Variants in STX7 observed in about 807,000 individuals in gnomAD.
STX7 encodes the protein syntaxin 7.
Under a neutral mutation model 39.6 loss-of-function variants are expected in STX7, and 34 were observed. The observed-to-expected ratio is 0.86, with a 90% CI of 0.65 to 1.14. The LOEUF (loss-of-function observed/expected upper bound fraction) is 1.14. Among genes scored for constraint, STX7 ranks in the 50% most tolerant of loss-of-function variants. The pLI is 0.00. For synonymous variants in STX7, 119 were observed against 99.1 expected, an observed-to-expected ratio of 1.20 and a Z score of -1.19; for missense variants, 284 against 310.4, an observed-to-expected ratio of 0.92 and a Z score of 0.64.
chr6:132,476,558 A>G (rs1427318318), intron 2 of STX7, among the ~76,000 whole-genome samples: 2 of 152,178 alleles, frequency 1.3e-5, no homozygotes, highest in East Asian at 3.8e-4. Context: ...GAAAAAAGCA[A>G]GCACTATAAA....
chr6:132,470,389 T>C lies in STX7; in HGVS notation c.440+185A>G, dbSNP rs566507404. ...AAACATTTATTTGGAAAACTTTATA[T>C]ATTTTGTAATAAATACTTTATAATT... On this transcript the variant is annotated intron_variant, in intron 6 of 9. Transcript: ENST00000367941. Among the ~76,000 whole-genome samples the C allele has an allele frequency of 6.9e-4, 105 of 152,234 alleles. 1 individual carries two copies. Among genetic ancestry groups the C allele is most frequent in the African/African-American group, 2.5e-3 (104 of 41,578 alleles).
chr6:132,480,341 C>G (rs1434910904), intron 2 of STX7, among the ~76,000 whole-genome samples: 1 of 152,128 alleles, frequency 6.6e-6, no homozygotes, highest in African/African-American at 2.4e-5. Flanking sequence ...TCCTTATGGT[C>G]TCAAAGAACC....
chr6:132,470,406 T>C lies in STX7; in HGVS notation c.440+168A>G, dbSNP rs116790723. Among the ~76,000 whole-genome samples the C allele has an allele frequency of 0.029, 4,373 of 152,184 alleles. 196 individuals are homozygous for C. Among genetic ancestry groups the C allele is most frequent in the African/African-American group, 0.1 (4,158 of 41,538 alleles). On this transcript the variant is annotated intron_variant, in intron 6 of 9. Coordinates refer to ENST00000367941, the MANE Select transcript of STX7 (RefSeq NM_003569.3). ...ACTTTATATATTTTGTAATAAATAC[T>C]TTATAATTACTTAAAATTTTTTTCA...
intron 9 of STX7, among the ~76,000 whole-genome samples, chr6:132,462,582 GGTGTGT>G (rs71952617): frequency 0.022 from 3,135 of 144,878 alleles, 94 homozygotes; most frequent in African/African-American, 0.068. Context: ...CATTTGCAGG[GGTGTGT>G]GTGTGTGTGT....
chr6:132,477,339 G>T (rs1320950318), intron 2 of STX7, among the ~76,000 whole-genome samples: 1 of 151,972 alleles, frequency 6.6e-6, no homozygotes, highest in Non-Finnish European at 1.5e-5. Context: ...AATACAAACT[G>T]TAGTATGGGC....
intron 1 of STX7, among the ~76,000 whole-genome samples, chr6:132,509,448 TCAAAA>T (rs879493597): frequency 0.025 from 1,551 of 61,182 alleles, 36 homozygotes; most frequent in Non-Finnish European, 0.031. Context: ...GAGACTCGTC[TCAAAA>T]TAACATAACA....
chr6:132,503,394 G>A (rs752064605), intron 2 of STX7, 52 bp downstream of exon 2: 54 of 1,479,106 alleles, frequency 3.7e-5, no homozygotes, highest in Non-Finnish European at 4.9e-5. Flanking sequence ...CCTCCACCAA[G>A]TTCAGTTAAG....
Position 132,475,573 on chromosome 6 carries a change from T to G in STX7, c.155+20A>C, listed in dbSNP as rs1489368213. ...ATAGAGTTTTTTCTTTCTCTTTTAT[T>G]TATTTAACTAGATACTTACAACTGT... On this transcript the variant is annotated intron_variant, in intron 3 of 9. Transcript: ENST00000367941. 1 of 1,548,972 alleles carries G rather than the reference T, an allele frequency of 6.5e-7. No homozygotes were observed. The highest frequency in any genetic ancestry group is 2.3e-5 in the East Asian group (1 of 44,158).
chr6:132,464,015 A>G lies in STX7; in HGVS notation c.671T>C (p.Leu224Pro). ...TACCTGATAATCTGCTGCCCTTGAC[A>G]GCTGCTGATTTGCTTGCTGAACGTG... ...EVHVQQANQQ[L>P]SRAADYQRKS... The change falls in exon 9 of 10, where the codon CTG becomes CCG. Residue 224 changes from leucine (L) to proline (P), a missense_variant. By Grantham distance (98) the Leu-to-Pro change is moderately conservative. Transcript: ENST00000367941. The G allele has an allele frequency of 6.2e-7, 1 of 1,614,146 alleles. No homozygotes were observed. Among genetic ancestry groups the G allele is most frequent in the Non-Finnish European group, 8.5e-7 (1 of 1,180,008 alleles).
At chr6:132,480,473 C>G (rs1774988606) in intron 2 of STX7, among the ~76,000 whole-genome samples, 1 of 152,142 alleles carries the variant, frequency 6.6e-6, no homozygotes, top group Admixed American at 6.5e-5. Context: ...CAATTTTTTC[C>G]ATCTCTCAAG....
At chr6:132,507,755 T>C (rs1289152328) in intron 1 of STX7, among the ~76,000 whole-genome samples, 2 of 152,248 alleles carry the variant, frequency 1.3e-5, no homozygotes, top group Non-Finnish European at 2.9e-5. Flanking sequence ...CCTTTCCCTC[T>C]ATCAAGTAGA....
chr6:132,491,853 C>T (rs13208467), intron 2 of STX7, among the ~76,000 whole-genome samples: 33,543 of 152,088 alleles, frequency 0.22, 4,290 homozygotes, highest in East Asian at 0.65. Context: ...TCCTGCCACT[C>T]TGCCACATTT....
rs1774144123 is a variant in STX7 at position 132,451,961 on chromosome 6, T to C, written c.*8797A>G. Reference sequence around the variant, plus strand: ...ATTACCCTGATACCACCAACCAGTATGTCGCATTAAAACAGATGCAAAAAT... The same window carrying C: ...ATTACCCTGATACCACCAACCAGTACGTCGCATTAAAACAGATGCAAAAAT... On this transcript the variant is annotated 3_prime_UTR_variant, in exon 10 of 10. Transcript: ENST00000367941. 1 of 152,204 alleles carries C rather than the reference T, an allele frequency of 6.6e-6. No homozygotes were observed. The highest frequency in any genetic ancestry group is 1.5e-5 in the Non-Finnish European group (1 of 68,026). 9.4% of individuals were successfully genotyped at this position (152,204 alleles called of 1,614,324 possible).
intron 2 of STX7, among the ~76,000 whole-genome samples, chr6:132,479,192 T>C (rs1281644797): frequency 2.6e-5 from 4 of 152,226 alleles, no homozygotes; most frequent in African/African-American, 2.4e-5. Flanking sequence ...AGACTTTTTA[T>C]GCTGCTTCCA....
chr6:132,459,464 AC>A lies in STX7; in HGVS notation c.*1293del, dbSNP rs554292172. On this transcript the variant is annotated 3_prime_UTR_variant, in exon 10 of 10. Transcript: ENST00000367941. ...GCAGCACAGCACTAAGTATCAGGTG[AC>A]CTGTGGTCCCACCAGAGCATAGTCC... 4 of 152,288 alleles carry A rather than the reference AC, an allele frequency of 2.6e-5. No individual in the cohort carries two copies. In the East Asian group the frequency reaches 7.7e-4, roughly 29 times the overall value. The allele number at this position is 152,288 out of a possible 1,614,324, so 9.4% of individuals were successfully genotyped here. A position where few individuals can be genotyped will look rare whatever the true frequency, so the allele number is the denominator to read the frequency against.
intron 2 of STX7, among the ~76,000 whole-genome samples, chr6:132,482,061 G>A (rs1775026911): frequency 6.6e-6 from 1 of 152,102 alleles, no homozygotes; most frequent in Non-Finnish European, 1.5e-5. Context: ...TTATCATATT[G>A]TTGACCCTCA....
chr6:132,469,880 T>C (rs142098964), intron 7 of STX7, 71 bp downstream of exon 7: 11 of 1,278,924 alleles, frequency 8.6e-6, no homozygotes, highest in Non-Finnish European at 1.2e-5. Context: ...TCTCCCAGCA[T>C]TACCTAAGCA....
chr6:132,477,745 T>A (rs1012942079), intron 2 of STX7, among the ~76,000 whole-genome samples: 2 of 152,078 alleles, frequency 1.3e-5, no homozygotes, highest in African/African-American at 2.4e-5. Flanking sequence ...TGTACATATA[T>A]CACAAGTATA....
At chr6:132,486,565 C>T (rs1775136750) in intron 2 of STX7, among the ~76,000 whole-genome samples, 2 of 151,956 alleles carry the variant, frequency 1.3e-5, no homozygotes. Flanking sequence ...CCACTTGTTA[C>T]ATCCTTTTAA....
Sources: allele counts gnomAD v4.1 joint callset (sites outside exome capture counted in the v4.1 genomes callset), GRCh38; gene constraint gnomAD v4.1.1; transcripts MANE v1.5; gene names NCBI Gene and HGNC (gene_info 2026-07-23, HGNC 2026-07-21).